The following WNT3 variants were observed in gnomAD, a reference collection of about 807,000 sequenced individuals.
WNT3 encodes the protein proto-oncogene Wnt-3.
In WNT3, 7 loss-of-function variants were observed where a neutral mutation model predicts 34.2. That is an observed-to-expected ratio of 0.20 (90% CI 0.12 to 0.38). WNT3 has a LOEUF of 0.38. WNT3 is among the 10% of genes least tolerant of loss of function. The pLI, the probability that WNT3 is intolerant of heterozygous loss-of-function variation, is 1.00. For missense variants in WNT3, 267 were observed against 499.8 expected (o/e 0.53, Z 4.44); for synonymous variants, 212 against 211.5 (o/e 1.00, Z -0.02).
Position 46,769,966 on chromosome 17 carries a change from G to A in WNT3, c.405C>T (p.Thr135=). 4 of 1,612,404 alleles carry A rather than the reference G, an allele frequency of 2.5e-6. No homozygotes were observed. Among genetic ancestry groups the A allele is most frequent in the Non-Finnish European group, 2.5e-6 (3 of 1,179,534 alleles). ...GCGAGTCACAGCCGCAAATGGTGGAGGTGCCCTCGGCGCAGGAGCGGGTGA... is the reference window on the plus strand; with the variant it reads ...GCGAGTCACAGCCGCAAATGGTGGAAGTGCCCTCGGCGCAGGAGCGGGTGA... The part of the protein sequence containing the change: ...FAVTRSCAEG[T]STICGCDSHH... The change falls in exon 3 of 5, where the codon ACC becomes ACT. Residue 135 remains threonine (T), a synonymous_variant. Coordinates refer to ENST00000225512, the MANE Select transcript of WNT3 (RefSeq NM_030753.5).
chr17:46,789,626 C>T (rs1234288288), intron 1 of WNT3, among the ~76,000 whole-genome samples: 6 of 152,180 alleles, frequency 3.9e-5, no homozygotes, highest in Non-Finnish European at 8.8e-5. Flanking sequence ...AGGAACAAAC[C>T]AAATGACACC....
At chr17:46,770,100 T>C (rs2059350534) in intron 2 of WNT3, 52 bp from the exon 3 acceptor site, 3 of 1,492,942 alleles carry the variant, frequency 2.0e-6, no homozygotes, top group Non-Finnish European at 2.7e-6. Flanking sequence ...TGGGAGCGCC[T>C]GCCCTGCCTC....
At chr17:46,809,103 T>C (rs974505069) in intron 1 of WNT3, among the ~76,000 whole-genome samples, 2 of 151,678 alleles carry the variant, frequency 1.3e-5, no homozygotes, top group African/African-American at 4.8e-5. Flanking sequence ...CCAGTTGAAG[T>C]GGGTTATTGG....
chr17:46,766,630 G>T (rs918343515), intron 4 of WNT3, among the ~76,000 whole-genome samples: 2 of 152,068 alleles, frequency 1.3e-5, no homozygotes, highest in African/African-American at 4.8e-5. Flanking sequence ...GAGCTACACC[G>T]AGGGGCTTCC....
At chr17:46,786,641 G>A (rs2059508900) in intron 1 of WNT3, among the ~76,000 whole-genome samples, 2 of 152,232 alleles carry the variant, frequency 1.3e-5, no homozygotes, top group Non-Finnish European at 2.9e-5. Flanking sequence ...AAGCCCAGAT[G>A]CCCTGTGCGT....
At chr17:46,767,300 T>C (rs2059322098) in intron 4 of WNT3, among the ~76,000 whole-genome samples, 1 of 152,036 alleles carries the variant, frequency 6.6e-6, no homozygotes, top group Non-Finnish European at 1.5e-5. Flanking sequence ...TCCCTCCTGC[T>C]CCCCGTCATC....
At chr17:46,775,450 TGTCAGGG>T (rs1253844490) in intron 1 of WNT3, among the ~76,000 whole-genome samples, 2 of 152,096 alleles carry the variant, frequency 1.3e-5, no homozygotes, top group African/African-American at 4.8e-5. Flanking sequence ...CAGGCTCAGT[TGTCAGGG>T]GGAGAGGCAG....
chr17:46,765,695 C>T (rs969666400), intron 4 of WNT3, among the ~76,000 whole-genome samples: 8 of 152,250 alleles, frequency 5.3e-5, no homozygotes, highest in Non-Finnish European at 7.3e-5. Flanking sequence ...CCAGAGCAGG[C>T]GGCTCTCGCC....
intron 1 of WNT3, among the ~76,000 whole-genome samples, chr17:46,810,211 T>C (rs1198811544): frequency 1.3e-5 from 2 of 152,024 alleles, no homozygotes; most frequent in Non-Finnish European, 1.5e-5. Context: ...TTTCACCATG[T>C]TGGCCAAGCA....
At chr17:46,814,766 G>A (rs2084319954) in intron 1 of WNT3, among the ~76,000 whole-genome samples, 1 of 152,218 alleles carries the variant, frequency 6.6e-6, no homozygotes, top group African/African-American at 2.4e-5. Context: ...TGACCCCCAC[G>A]GGGTTTGACT....
At chr17:46,767,931 G>C (rs1422062746) in intron 4 of WNT3, among the ~76,000 whole-genome samples, 1 of 152,112 alleles carries the variant, frequency 6.6e-6, no homozygotes, top group African/African-American at 2.4e-5. Context: ...TGGGATTACA[G>C]GCACCTGCCA....
chr17:46,767,164 G>A lies in WNT3; in HGVS notation c.*8+1148C>T, dbSNP rs539559151. Reference sequence around the variant, plus strand: ...CTCCTCATCCATGCTGACCTATCCCGGGGTGCTGTGGAACCCAGGGCCAGT... The same window carrying A: ...CTCCTCATCCATGCTGACCTATCCCAGGGTGCTGTGGAACCCAGGGCCAGT... On this transcript the variant is annotated intron_variant, in intron 4 of 4. Coordinates refer to ENST00000225512, the MANE Select transcript of WNT3 (RefSeq NM_030753.5). 3.3e-5 allele frequency among the ~76,000 whole-genome samples: 5 copies of A among 152,208 alleles called. No homozygotes were observed. The South Asian group carries it at 1.0e-3, about 32-fold the overall frequency.
chr17:46,806,753 C>CGGAGG (rs1465924772), intron 1 of WNT3, among the ~76,000 whole-genome samples: 3 of 152,338 alleles, frequency 2.0e-5, no homozygotes, highest in African/African-American at 4.8e-5. Context: ...AGGGCAGAAG[C>CGGAGG]GGAGGGGAGG....
intron 1 of WNT3, among the ~76,000 whole-genome samples, chr17:46,793,878 G>A (rs1359615941): frequency 6.6e-6 from 1 of 152,204 alleles, no homozygotes; most frequent in African/African-American, 2.4e-5. Flanking sequence ...TGGAGGTGGA[G>A]TTGGACCCCA....
At chr17:46,794,828 G>A (rs887573133) in intron 1 of WNT3, among the ~76,000 whole-genome samples, 2 of 147,116 alleles carry the variant, frequency 1.4e-5, no homozygotes, top group African/African-American at 5.1e-5. Flanking sequence ...CCAGCTCACT[G>A]CAACCTGCAC....
intron 1 of WNT3, among the ~76,000 whole-genome samples, chr17:46,774,623 C>T (rs1367271953): frequency 2.0e-5 from 3 of 152,198 alleles, no homozygotes; most frequent in African/African-American, 4.8e-5. Flanking sequence ...ATCTCACTGC[C>T]CACACCCAAC....
At chr17:46,791,274 C>T (rs978215533) in intron 1 of WNT3, among the ~76,000 whole-genome samples, 2 of 151,880 alleles carry the variant, frequency 1.3e-5, no homozygotes, top group African/African-American at 4.8e-5. Context: ...AGTGCAGTGG[C>T]GTGATCTCAG....
intron 1 of WNT3, among the ~76,000 whole-genome samples, chr17:46,806,407 C>T (rs1323414075): frequency 6.6e-6 from 1 of 151,996 alleles, no homozygotes. Flanking sequence ...TGGGGTTTAT[C>T]CATGTTGGTC....
chr17:46,771,000 G>C (rs2059361896), intron 2 of WNT3, among the ~76,000 whole-genome samples: 1 of 152,192 alleles, frequency 6.6e-6, no homozygotes, highest in Non-Finnish European at 1.5e-5. Flanking sequence ...GGCCGGCCTA[G>C]TCGGCAAAAT....
Sources: allele counts gnomAD v4.1 joint callset (sites outside exome capture counted in the v4.1 genomes callset), GRCh38; gene constraint gnomAD v4.1.1; transcripts MANE v1.5; gene names NCBI Gene and HGNC (gene_info 2026-07-23, HGNC 2026-07-21).